TASP1: variants seen among roughly 807,000 people sequenced by gnomAD.
The protein encoded by TASP1 is taspase 1.
A neutral mutation model predicts 56.6 loss-of-function variants in TASP1; 16 were observed. The ratio of observed to expected loss-of-function variants is 0.28; its 90% confidence interval spans 0.19 to 0.43. TASP1 has a LOEUF of 0.43. Ranked by LOEUF, TASP1 falls within the 20% of genes least tolerant of loss-of-function variation. The pLI, the probability that TASP1 is intolerant of heterozygous loss-of-function variation, is 1.00. For synonymous variants in TASP1, 179 were observed against 184.2 expected (o/e 0.97, Z 0.23); for missense variants, 393 against 511.6 (o/e 0.77, Z 2.24).
the TASP1 span, chr20:13,299,467 G>A: frequency 6.3e-7 from 1 of 1,585,174 alleles, no homozygotes; most frequent in Non-Finnish European, 8.6e-7. This position sits in a 1 kb window ranked among gnomAD's most constrained non-coding sequence, Gnocchi z 5.8. Context: ...TAAAGAGACT[G>A]GGATGAGGTG....
At chr20:13,203,050 ATC>A in the TASP1 span, among the ~76,000 whole-genome samples, 1 of 152,214 alleles carries the variant, frequency 6.6e-6, no homozygotes, top group Non-Finnish European at 1.5e-5. Flanking sequence ...TGATGAAAAC[ATC>A]TGTTTTATCA....
At chr20:13,573,142 T>C (rs1475320004) in intron 6 of TASP1, among the ~76,000 whole-genome samples, 1 of 152,224 alleles carries the variant, frequency 6.6e-6, no homozygotes, top group Non-Finnish European at 1.5e-5. Context: ...TACTTGGAAA[T>C]AACACATAAC....
chr20:13,258,189 A>T, the TASP1 span, among the ~76,000 whole-genome samples: 1 of 152,172 alleles, frequency 6.6e-6, no homozygotes, highest in Admixed American at 6.5e-5. Flanking sequence ...TTTCTTGGGC[A>T]CATGATCTGC....
At chr20:13,130,676 C>A in the TASP1 span, among the ~76,000 whole-genome samples, 4 of 152,112 alleles carry the variant, frequency 2.6e-5, no homozygotes, top group Non-Finnish European at 5.9e-5. Context: ...TGCACCAAGA[C>A]CCTTTTAATC....
At chr20:13,299,877 G>C in the TASP1 span, 3 of 159,118 alleles carry the variant, frequency 1.9e-5, no homozygotes, top group African/African-American at 7.2e-5. This position sits in a 1 kb window ranked among gnomAD's most constrained non-coding sequence, Gnocchi z 5.8. Flanking sequence ...ACTTAATTAA[G>C]CGTAACCTTT....
intron 13 of TASP1, among the ~76,000 whole-genome samples, chr20:13,400,482 A>T (rs1302675814): frequency 6.6e-6 from 1 of 152,242 alleles, no homozygotes. Flanking sequence ...AAGCACATTT[A>T]AAATAACATT....
the TASP1 span, among the ~76,000 whole-genome samples, chr20:13,377,426 C>G: frequency 1.3e-5 from 2 of 152,214 alleles, no homozygotes; most frequent in East Asian, 3.8e-4. Flanking sequence ...ATGAACCCAA[C>G]TTGATCATGG....
chr20:13,561,830 TAG>T (rs1285287292), intron 7 of TASP1, among the ~76,000 whole-genome samples: 3 of 152,046 alleles, frequency 2.0e-5, no homozygotes, highest in African/African-American at 7.2e-5. Flanking sequence ...AAATTCAAAT[TAG>T]AGTGTTATAA....
chr20:13,545,286 C>T (rs6134906), intron 8 of TASP1, among the ~76,000 whole-genome samples: 2 of 151,990 alleles, frequency 1.3e-5, no homozygotes, highest in African/African-American at 4.8e-5. Flanking sequence ...AAAATATAAC[C>T]TAAATTATGA....
the TASP1 span, among the ~76,000 whole-genome samples, chr20:13,369,332 G>C: frequency 6.6e-6 from 1 of 152,180 alleles, no homozygotes; most frequent in African/African-American, 2.4e-5. Flanking sequence ...TATAATTCCA[G>C]CTACTCAGGA....
intron 8 of TASP1, among the ~76,000 whole-genome samples, chr20:13,534,531 AAT>A (rs2045343714): frequency 6.6e-6 from 1 of 152,200 alleles, no homozygotes; most frequent in Non-Finnish European, 1.5e-5. Context: ...GCTAATAATA[AAT>A]ACTCTTGTTG....
the TASP1 span, among the ~76,000 whole-genome samples, chr20:13,194,181 T>A: frequency 6.6e-6 from 1 of 152,246 alleles, no homozygotes; most frequent in Non-Finnish European, 1.5e-5. Context: ...TTGAAGATTA[T>A]CTAGGTAAGC....
At chr20:13,631,099 G>T (rs2049070965) in intron 1 of TASP1, among the ~76,000 whole-genome samples, 1 of 151,978 alleles carries the variant, frequency 6.6e-6, no homozygotes, top group South Asian at 2.1e-4. Context: ...TTGAAAGCTG[G>T]TCTTTTATAA....
the TASP1 span, among the ~76,000 whole-genome samples, chr20:13,203,446 C>T: frequency 7.9e-5 from 12 of 152,288 alleles, no homozygotes; most frequent in South Asian, 2.5e-3. Context: ...CAATTTAGTT[C>T]ATGGATCAAA....
chr20:13,130,257 A>C, the TASP1 span, among the ~76,000 whole-genome samples: 1 of 152,162 alleles, frequency 6.6e-6, no homozygotes, highest in African/African-American at 2.4e-5. Context: ...TCTCAGGGTA[A>C]AGTTGCCCAG....
At chr20:13,617,063 C>T (rs1253368607) in intron 4 of TASP1, 2 of 455,502 alleles carry the variant, frequency 4.4e-6, no homozygotes, top group African/African-American at 4.0e-5. Flanking sequence ...TGCCTCTTCA[C>T]AAGAAGGACA....
At chr20:13,251,035 G>A in the TASP1 span, among the ~76,000 whole-genome samples, 1,894 of 152,192 alleles carry the variant, frequency 0.012, 47 homozygotes, top group African/African-American at 0.042. Flanking sequence ...TGATTGCTTT[G>A]TATTTTCCAT....
chr20:13,492,796 A>G (rs974586349), intron 10 of TASP1, among the ~76,000 whole-genome samples: 1 of 152,350 alleles, frequency 6.6e-6, no homozygotes, highest in African/African-American at 2.4e-5. Flanking sequence ...AATAATAACC[A>G]AAAGAAAAAC....
the TASP1 span, among the ~76,000 whole-genome samples, chr20:13,174,656 G>A: frequency 2.0e-5 from 3 of 150,734 alleles, no homozygotes; most frequent in Admixed American, 6.6e-5. Context: ...CCGTAATGCA[G>A]CCACTGTACT....
Sources: allele counts gnomAD v4.1 joint callset (sites outside exome capture counted in the v4.1 genomes callset), GRCh38; gene constraint gnomAD v4.1.1; non-coding constraint Gnocchi (gnomAD v3.1); transcripts MANE v1.5; gene names NCBI Gene and HGNC (gene_info 2026-07-23, HGNC 2026-07-21).